The following CEP170 variants were observed in gnomAD, a reference collection of about 807,000 sequenced individuals.
The protein encoded by CEP170 is centrosomal protein 170, also known as centrosomal protein of 170 kDa.
In CEP170, 21 loss-of-function variants were observed where a neutral mutation model predicts 151.9. The observed-to-expected ratio is 0.14, with a 90% confidence interval of 0.10 to 0.20. The LOEUF is 0.20. Among genes scored for constraint, CEP170 ranks in the 10% least tolerant of loss-of-function variants. The pLI, the probability that CEP170 is intolerant of heterozygous loss-of-function variation, is 1.00. For missense variants in CEP170, 964 were observed against 1,892.9 expected, an observed-to-expected ratio of 0.51 and a Z score of 9.11; for synonymous variants, 356 against 648.8, an observed-to-expected ratio of 0.55 and a Z score of 6.86.
chr1:243,147,148 T>C (rs1389084900), intron 14 of CEP170, among the ~76,000 whole-genome samples: 5 of 152,220 alleles, frequency 3.3e-5, no homozygotes, highest in African/African-American at 9.6e-5. Context: ...TTTATTAGTA[T>C]ATAAAAAAGT....
At chr1:243,134,765 A>T (rs1484392257) in intron 17 of CEP170, among the ~76,000 whole-genome samples, 1 of 151,144 alleles carries the variant, frequency 6.6e-6, no homozygotes, top group African/African-American at 2.4e-5. Context: ...AAGTGCTAGG[A>T]TTACCAGGCA....
chr1:243,170,605 C>A (rs1278331110), intron 11 of CEP170, among the ~76,000 whole-genome samples: 1 of 152,080 alleles, frequency 6.6e-6, no homozygotes, highest in Admixed American at 6.6e-5. Flanking sequence ...ACCAGCCTGG[C>A]CAACATGGCG....
chr1:243,168,028 G>A (rs2058564846), intron 12 of CEP170, among the ~76,000 whole-genome samples: 1 of 151,834 alleles, frequency 6.6e-6, no homozygotes, highest in Admixed American at 6.6e-5. Context: ...TATAACAAGG[G>A]TAGAACTTTG....
intron 8 of CEP170, among the ~76,000 whole-genome samples, chr1:243,189,323 A>G (rs1039325785): frequency 1.3e-4 from 20 of 152,146 alleles, no homozygotes; most frequent in East Asian, 9.7e-4. Flanking sequence ...TTGGGAGGCT[A>G]AGGTGGGTGG....
At chr1:243,212,167 C>G in intron 3 of CEP170, among the ~76,000 whole-genome samples, 1 of 152,150 alleles carries the variant, frequency 6.6e-6, no homozygotes, top group Non-Finnish European at 1.5e-5. Flanking sequence ...ACTGGTAACA[C>G]ACAAAGAACC....
intron 1 of CEP170, among the ~76,000 whole-genome samples, chr1:243,239,759 G>C (rs1357927178): frequency 6.6e-6 from 1 of 152,116 alleles, no homozygotes; most frequent in Non-Finnish European, 1.5e-5. Context: ...TATACCTACA[G>C]CAACTCCTAA....
chr1:243,215,614 C>T (rs890773773), intron 3 of CEP170, among the ~76,000 whole-genome samples: 2 of 152,196 alleles, frequency 1.3e-5, no homozygotes, highest in Admixed American at 1.3e-4. Flanking sequence ...CTCTCAAACC[C>T]TGTCTCCTGA....
intron 12 of CEP170, chr1:243,166,379 T>C (rs969120382): frequency 1.3e-5 from 6 of 461,894 alleles, no homozygotes; most frequent in African/African-American, 5.9e-5. Flanking sequence ...GCTATGTAAA[T>C]AGTTGTTATA....
intron 3 of CEP170, among the ~76,000 whole-genome samples, chr1:243,217,622 T>C (rs953239728): frequency 1.3e-5 from 2 of 152,078 alleles, no homozygotes; most frequent in African/African-American, 4.8e-5. Context: ...TCACAAAAAA[T>C]GCAAGTGAAA....
At chr1:243,251,761 T>A (rs1303172330) in intron 1 of CEP170, among the ~76,000 whole-genome samples, 1 of 152,172 alleles carries the variant, frequency 6.6e-6, no homozygotes, top group Non-Finnish European at 1.5e-5. Context: ...TTCTATACTT[T>A]CTGCAATTCC....
intron 14 of CEP170, among the ~76,000 whole-genome samples, chr1:243,150,960 C>G (rs2148409954): frequency 6.6e-6 from 1 of 152,250 alleles, no homozygotes; most frequent in East Asian, 1.9e-4. Context: ...AGAATATGGT[C>G]TGAGTCCAGA....
intron 3 of CEP170, among the ~76,000 whole-genome samples, chr1:243,217,989 C>A (rs112281350): frequency 1.1e-4 from 17 of 152,326 alleles, no homozygotes; most frequent in African/African-American, 3.8e-4. Flanking sequence ...ACCACTAACC[C>A]CACAGAAGCA....
At chr1:243,166,152 A>T (rs758503493) in intron 12 of CEP170, 36 bp from the exon 13 acceptor site, 1 of 1,599,316 alleles carries the variant, frequency 6.3e-7, no homozygotes, top group Non-Finnish European at 8.5e-7. Flanking sequence ...GAATTGATTA[A>T]GACAAATAAA....
intron 16 of CEP170, among the ~76,000 whole-genome samples, chr1:243,138,932 C>T (rs1332847719): frequency 6.6e-6 from 1 of 152,152 alleles, no homozygotes; most frequent in Non-Finnish European, 1.5e-5. Context: ...CCACCAACCA[C>T]ACATAAGAAA....
chr1:243,227,207 C>A (rs1349707664), intron 1 of CEP170, among the ~76,000 whole-genome samples: 1 of 151,842 alleles, frequency 6.6e-6, no homozygotes, highest in African/African-American at 2.4e-5. Context: ...CTCATGATGG[C>A]AGAATCAAGT....
chr1:243,187,920 A>G (rs188380531), intron 8 of CEP170, among the ~76,000 whole-genome samples: 1 of 152,200 alleles, frequency 6.6e-6, no homozygotes, highest in Non-Finnish European at 1.5e-5. Flanking sequence ...ATGTCTATCA[A>G]AGTAATAGTG....
At chr1:243,251,788 G>A (rs1430192117) in intron 1 of CEP170, among the ~76,000 whole-genome samples, 1 of 152,098 alleles carries the variant, frequency 6.6e-6, no homozygotes, top group Non-Finnish European at 1.5e-5. Flanking sequence ...TATGTAAGTA[G>A]ATTTTATGAG....
At chr1:243,182,624 T>A (rs542127423) in intron 10 of CEP170, among the ~76,000 whole-genome samples, 87 of 152,306 alleles carry the variant, frequency 5.7e-4, no homozygotes, top group African/African-American at 1.9e-3. Context: ...GTATGATATA[T>A]AATGAACTTC....
At chr1:243,202,865 C>T (rs1307967266) in intron 4 of CEP170, among the ~76,000 whole-genome samples, 1 of 152,118 alleles carries the variant, frequency 6.6e-6, no homozygotes, top group Non-Finnish European at 1.5e-5. Context: ...CAAGTGATTT[C>T]AGCCTGTTGT....
Sources: gnomAD v4.1 joint callset for allele counts (sites outside exome capture counted in the v4.1 genomes callset) on GRCh38, gnomAD v4.1.1 for gene constraint, MANE v1.5 for transcripts, NCBI Gene and HGNC (gene_info 2026-07-23, HGNC 2026-07-21) for gene names.